The following ALPL variants were observed in gnomAD, a reference collection of about 807,000 sequenced individuals.
ALPL encodes alkaline phosphatase, tissue-nonspecific isozyme.
ALPL carries 42 observed loss-of-function variants against 51.3 expected under a neutral mutation model. The ratio of observed to expected loss-of-function variants is 0.82; its 90% CI spans 0.64 to 1.06. The LOEUF (loss-of-function observed/expected upper bound fraction) is 1.06, where lower values mean the gene tolerates loss of function less well. Among genes scored for constraint, ALPL ranks in the 50% least tolerant of loss-of-function variants. The pLI is 0.00. For missense variants in ALPL, 589 were observed against 709.4 expected (o/e 0.83, Z 1.93); for synonymous variants, 279 against 296.4 (o/e 0.94, Z 0.60).
chr1:21,573,675 G>A lies in ALPL; in HGVS notation c.873G>A (p.Glu291=). Residue 291 remains glutamate, a synonymous_variant, in exon 9 of 12, where the codon GAG becomes GAA. Coordinates refer to ENST00000374840, the MANE Select transcript of ALPL (RefSeq NM_000478.6). ...TGGCGTCCTCCTCAGGTCTCTTCGA[G>A]CCAGGGGACATGCAGTACGAGCTGA... ...HNVDYLLGLF[E]PGDMQYELNR... is the part of the protein sequence containing the mutation. 6.2e-7 allele frequency: 1 copy of A among 1,613,912 alleles called. No homozygotes were observed. Among genetic ancestry groups the A allele is most frequent in the Non-Finnish European group, 8.5e-7 (1 of 1,179,968 alleles).
intron 1 of ALPL, among the ~76,000 whole-genome samples, chr1:21,552,699 T>C (rs1644348886): frequency 6.6e-6 from 1 of 152,154 alleles, no homozygotes; most frequent in East Asian, 1.9e-4. Flanking sequence ...ACAGGCATGT[T>C]ACCACCATGC....
chr1:21,538,655 G>A (rs1482075391), intron 1 of ALPL, among the ~76,000 whole-genome samples: 4 of 152,186 alleles, frequency 2.6e-5, no homozygotes, highest in Non-Finnish European at 2.9e-5. Flanking sequence ...GGGGAGAGCC[G>A]GGATTGGCCA....
intron 1 of ALPL, among the ~76,000 whole-genome samples, chr1:21,528,835 C>T (rs542152296): frequency 2.6e-5 from 4 of 151,036 alleles, no homozygotes; most frequent in Admixed American, 1.3e-4. Context: ...TTTGGGAGGC[C>T]GAGGTGGGCG....
rs1349622108 is a variant in ALPL, at chr1:21,564,844, G to A, written c.648+628G>A. Among the ~76,000 whole-genome samples, 4 of 152,182 alleles carry A rather than the reference G, an allele frequency of 2.6e-5. No individual in the cohort carries two copies. The highest frequency in any genetic ancestry group is 2.9e-5 in the Non-Finnish European group (2 of 68,036). On this transcript the variant is annotated intron_variant, in intron 6 of 11. Coordinates refer to ENST00000374840, the MANE Select transcript of ALPL (RefSeq NM_000478.6). This position sits in a 1 kb window ranked among gnomAD's most constrained non-coding sequence, Gnocchi z 5.8. ...CTCAGCACAGGACCCGAGGCCTAGC[G>A]AGTGCCCAGAAGGTGGTGGCACTTA... is the stretch of plus-strand genomic sequence containing the variant.
rs1644755212 is a variant in ALPL at position 21,577,490 on chromosome 1, G to A, written c.1417G>A (p.Gly473Ser). The A allele has an allele frequency of 7.5e-6, 12 of 1,609,560 alleles. No individual in the cohort carries two copies. The highest frequency in any genetic ancestry group is 1.1e-5 in the South Asian group (1 of 91,090). The change falls in exon 12 of 12, where the codon GGC becomes AGC. Residue 473 changes from glycine (G) to serine (S), a missense_variant. Coordinates refer to ENST00000374840, the MANE Select transcript of ALPL (RefSeq NM_000478.6). ...GGGCCCCATGGCGCACCTGCTGCAC[G>A]GCGTCCACGAGCAGAACTACGTCCC... Reference protein sequence around the residue: ...SKGPMAHLLHGVHEQNYVPHV... With the variant: ...SKGPMAHLLHSVHEQNYVPHV...
At chr1:21,514,250 C>A (rs931004488) in intron 1 of ALPL, among the ~76,000 whole-genome samples, 1 of 152,086 alleles carries the variant, frequency 6.6e-6, no homozygotes, top group Non-Finnish European at 1.5e-5. Flanking sequence ...CAGGGTCTAG[C>A]TGGGGACAGG....
chr1:21,530,347 G>T (rs1644011159), intron 1 of ALPL, among the ~76,000 whole-genome samples: 1 of 152,122 alleles, frequency 6.6e-6, no homozygotes, highest in Non-Finnish European at 1.5e-5. Flanking sequence ...GGTTTCTTTT[G>T]AAGTCATTGT....
intron 5 of ALPL, among the ~76,000 whole-genome samples, chr1:21,563,642 T>C (rs1318211251): frequency 2.6e-5 from 4 of 152,282 alleles, no homozygotes; most frequent in East Asian, 1.9e-4. Flanking sequence ...CTCCTCAGAA[T>C]TGGGAGGCCC....
Position 21,521,643 on chromosome 1 carries a change from C to T in ALPL, c.-105+12126C>T, listed in dbSNP as rs113312747. On this transcript the variant is annotated intron_variant, in intron 1 of 11. Coordinates refer to ENST00000374840, the MANE Select transcript of ALPL (RefSeq NM_000478.6). ...CCAGACCTTCACTGGTGTCCTTGCACGAATGCCACCAGCTCATAAATGGTT... is the reference window on the plus strand; with the variant it reads ...CCAGACCTTCACTGGTGTCCTTGCATGAATGCCACCAGCTCATAAATGGTT... 4.1e-3 allele frequency among the ~76,000 whole-genome samples: 618 copies of T among 152,226 alleles called. 5 individuals are homozygous for T. The highest frequency in any genetic ancestry group is 0.017 in the Middle Eastern group (5 of 294).
chr1:21,521,243 G>A (rs907649584), intron 1 of ALPL, among the ~76,000 whole-genome samples: 3 of 151,846 alleles, frequency 2.0e-5, no homozygotes, highest in Non-Finnish European at 2.9e-5. Flanking sequence ...GTAGTACAAC[G>A]GCGCGATCTC....
chr1:21,574,118 G>A (rs1261066224), intron 9 of ALPL: 2 of 985,302 alleles, frequency 2.0e-6, no homozygotes, highest in South Asian at 4.7e-5. Context: ...CAGCCTCACT[G>A]CCCAGAAAAG....
At chr1:21,565,221 G>A (rs1031959053) in intron 6 of ALPL, among the ~76,000 whole-genome samples, 5 of 152,152 alleles carry the variant, frequency 3.3e-5, no homozygotes, top group Non-Finnish European at 5.9e-5. Context: ...AGAGACCCAC[G>A]TCTGCCCTTT....
At chr1:21,510,625 G>C (rs1643667472) in intron 1 of ALPL, among the ~76,000 whole-genome samples, 1 of 152,228 alleles carries the variant, frequency 6.6e-6, no homozygotes, top group Non-Finnish European at 1.5e-5. Context: ...GGTGGGACCA[G>C]GGTTTGAATC....
At chr1:21,552,500 GAA>G (rs1183766640) in intron 1 of ALPL, among the ~76,000 whole-genome samples, 2 of 149,748 alleles carry the variant, frequency 1.3e-5, no homozygotes, top group Non-Finnish European at 3.0e-5. Context: ...AAAAGAAAAA[GAA>G]AAAATCTTTT....
intron 1 of ALPL, among the ~76,000 whole-genome samples, chr1:21,512,944 A>G (rs991153673): frequency 6.6e-6 from 1 of 152,150 alleles, no homozygotes; most frequent in Non-Finnish European, 1.5e-5. Flanking sequence ...TAATTGTAGG[A>G]TGGTGGTTAA....
intron 1 of ALPL, among the ~76,000 whole-genome samples, chr1:21,519,436 G>A (rs546928872): frequency 6.6e-6 from 1 of 152,308 alleles, no homozygotes; most frequent in Admixed American, 6.5e-5. Context: ...CTTTACCATC[G>A]GCAGAGCCTT....
At chr1:21,544,665 G>A (rs1182984677) in intron 1 of ALPL, among the ~76,000 whole-genome samples, 1 of 152,212 alleles carries the variant, frequency 6.6e-6, no homozygotes, top group Non-Finnish European at 1.5e-5. Context: ...AGAATTGCTT[G>A]AACCTGGAAG....
rs1207739867 is a variant in ALPL at position 21,545,360 on chromosome 1, A to G, written c.-104-8618A>G. 3.3e-5 allele frequency among the ~76,000 whole-genome samples: 5 copies of G among 152,136 alleles called. No individual in the cohort carries two copies. The East Asian group carries it at 9.7e-4, about 29-fold the overall frequency. On this transcript the variant is annotated intron_variant, in intron 1 of 11. Coordinates refer to ENST00000374840, the MANE Select transcript of ALPL (RefSeq NM_000478.6). ...GGCTGGAGTACAGCATTGTAATCTC[A>G]GCTCACTACAACCTCCGCCACCCGG...
chr1:21,537,417 C>G (rs1262432008), intron 1 of ALPL, among the ~76,000 whole-genome samples: 1 of 152,120 alleles, frequency 6.6e-6, no homozygotes. Flanking sequence ...CTTTGTGGAG[C>G]GGGCACTCTG....
Sources: allele counts gnomAD v4.1 joint callset (sites outside exome capture counted in the v4.1 genomes callset), GRCh38; gene constraint gnomAD v4.1.1; non-coding constraint Gnocchi (gnomAD v3.1); transcripts MANE v1.5; gene names NCBI Gene and HGNC (gene_info 2026-07-23, HGNC 2026-07-21).